ENPP6: variants seen among roughly 807,000 people sequenced by gnomAD.
ENPP6 encodes glycerophosphocholine cholinephosphodiesterase ENPP6.
In ENPP6, 32 loss-of-function variants were observed where a neutral mutation model predicts 42.0. That is an observed-to-expected ratio of 0.76 (90% confidence interval 0.58 to 1.02). The LOEUF (loss-of-function observed/expected upper bound fraction) is 1.02. Among genes scored for constraint, ENPP6 ranks in the 50% least tolerant of loss-of-function variants. The pLI is 0.00. For synonymous variants in ENPP6, 213 were observed against 216.0 expected (o/e 0.99, Z 0.12); for missense variants, 552 against 566.8 (o/e 0.97, Z 0.27).
At chr4:184,130,723 CAA>C (rs752195153) in intron 2 of ENPP6, among the ~76,000 whole-genome samples, 25 of 151,210 alleles carry the variant, frequency 1.7e-4, no homozygotes, top group Admixed American at 2.6e-4. Context: ...TCCTAACTGA[CAA>C]GAGAGAGAGA....
intron 1 of ENPP6, among the ~76,000 whole-genome samples, chr4:184,215,873 A>G (rs901239523): frequency 2.0e-5 from 3 of 152,194 alleles, no homozygotes; most frequent in African/African-American, 7.2e-5. Flanking sequence ...ACAGCCGGAA[A>G]AGAAGGTGTG....
intron 2 of ENPP6, among the ~76,000 whole-genome samples, chr4:184,148,298 G>A (rs893995024): frequency 6.6e-6 from 1 of 152,044 alleles, no homozygotes; most frequent in African/African-American, 2.4e-5. Context: ...GATTTGTGAA[G>A]GTTGGAAGTT....
chr4:184,180,485 G>A (rs1269217500), intron 1 of ENPP6, among the ~76,000 whole-genome samples: 1 of 152,284 alleles, frequency 6.6e-6, no homozygotes, highest in Non-Finnish European at 1.5e-5. Flanking sequence ...TTGGAAAGGA[G>A]TGACTCCTCC....
In ENPP6 at chr4:184,184,504, A is replaced by G. The variant is rs1235977914; in HGVS notation, c.242-30771T>C. ...AGAATTCAGTATATGTGGGAAAGAG[A>G]TTAAAATATGAGGGAAAGCAAATCG... On this transcript the variant is annotated intron_variant, in intron 1 of 7. Coordinates refer to ENST00000296741, the MANE Select transcript of ENPP6 (RefSeq NM_153343.4). This position sits in a 1 kb window ranked among gnomAD's most constrained non-coding sequence, Gnocchi z 4.7. Among the ~76,000 whole-genome samples, 3 of 152,164 alleles carry G rather than the reference A, an allele frequency of 2.0e-5. No individual in the cohort carries two copies. Among genetic ancestry groups the G allele is most frequent in the African/African-American group, 7.2e-5 (3 of 41,434 alleles).
intron 3 of ENPP6, among the ~76,000 whole-genome samples, chr4:184,121,007 G>C (rs1579619672): frequency 6.6e-6 from 1 of 152,252 alleles, no homozygotes; most frequent in Middle Eastern, 3.4e-3. Flanking sequence ...TCCACCACTG[G>C]CTGGCTTGTG....
At chr4:184,127,462 T>A (rs1736523204) in intron 2 of ENPP6, among the ~76,000 whole-genome samples, 1 of 152,132 alleles carries the variant, frequency 6.6e-6, no homozygotes, top group Non-Finnish European at 1.5e-5. Flanking sequence ...AAAACATCAA[T>A]AATTACATCA....
chr4:184,132,021 C>A (rs938156231), intron 2 of ENPP6, among the ~76,000 whole-genome samples: 2 of 152,110 alleles, frequency 1.3e-5, no homozygotes, highest in Non-Finnish European at 2.9e-5. Flanking sequence ...GATGTCCCAG[C>A]TGAAGCGATT....
intron 6 of ENPP6, among the ~76,000 whole-genome samples, chr4:184,111,023 CA>C (rs1325702968): frequency 6.6e-6 from 1 of 152,066 alleles, no homozygotes; most frequent in Non-Finnish European, 1.5e-5. Context: ...TGCAGGGGAC[CA>C]AGACCTTTCT....
At chr4:184,107,236 C>T (rs1314631627) in intron 6 of ENPP6, among the ~76,000 whole-genome samples, 1 of 152,234 alleles carries the variant, frequency 6.6e-6, no homozygotes, top group Admixed American at 6.5e-5. Context: ...TCAGGCAGGA[C>T]TTCCATGAGG....
chr4:184,216,773 T>C (rs1386547305), intron 1 of ENPP6: 1 of 152,214 alleles, frequency 6.6e-6, no homozygotes, highest in Non-Finnish European at 1.5e-5. Context: ...CTGCACATTC[T>C]ATTATCGCAC....
At chr4:184,213,773 A>G (rs983644546) in intron 1 of ENPP6, among the ~76,000 whole-genome samples, 4 of 149,012 alleles carry the variant, frequency 2.7e-5, no homozygotes, top group Non-Finnish European at 6.0e-5. Context: ...TCATGCTGCT[A>G]TAAAAACACA....
At chr4:184,156,301 CTG>C (rs1424125725) in intron 1 of ENPP6, among the ~76,000 whole-genome samples, 2 of 152,168 alleles carry the variant, frequency 1.3e-5, no homozygotes, top group Non-Finnish European at 2.9e-5. Flanking sequence ...AGGCTGCAGT[CTG>C]TGCTTGGAAC....
At chr4:184,101,292 ATGTGTGTGAGCTTGTGTG>A (rs1735998945) in intron 6 of ENPP6, among the ~76,000 whole-genome samples, 1 of 138,766 alleles carries the variant, frequency 7.2e-6, no homozygotes, top group East Asian at 2.2e-4. Context: ...GTTAATGTTT[ATGTGTGTGAGCTTGTGTG>A]TGTGTGTGTG....
chr4:184,119,349 G>A (rs1270114327), intron 3 of ENPP6, among the ~76,000 whole-genome samples: 1 of 92,880 alleles, frequency 1.1e-5, no homozygotes. Context: ...GTGTGTGTGT[G>A]TGTGTGTGTG....
chr4:184,185,432 A>T (rs993419172), intron 1 of ENPP6, among the ~76,000 whole-genome samples: 1 of 152,086 alleles, frequency 6.6e-6, no homozygotes, highest in African/African-American at 2.4e-5. Context: ...CTGTGGGGAC[A>T]CCCCAGCCAG....
chr4:184,144,109 A>C (rs150522362), intron 2 of ENPP6, among the ~76,000 whole-genome samples: 7 of 152,300 alleles, frequency 4.6e-5, no homozygotes, highest in Middle Eastern at 3.4e-3. Flanking sequence ...TTTGGTGCTG[A>C]CAGAGAATGG....
intron 7 of ENPP6, among the ~76,000 whole-genome samples, chr4:184,094,952 TC>T (rs34949751): frequency 6.6e-6 from 1 of 152,192 alleles, no homozygotes; most frequent in South Asian, 2.1e-4. Context: ...TGCCCAGCTT[TC>T]CCCCTAAGGG....
chr4:184,153,080 TA>T (rs1353452729), intron 2 of ENPP6, among the ~76,000 whole-genome samples: 1 of 151,922 alleles, frequency 6.6e-6, no homozygotes, highest in Admixed American at 6.6e-5. Flanking sequence ...GTTAGAGAGT[TA>T]AAAACACATT....
At chr4:184,131,169 C>CTT (rs1296842445) in intron 2 of ENPP6, among the ~76,000 whole-genome samples, 1 of 57,408 alleles carries the variant, frequency 1.7e-5, no homozygotes, top group Non-Finnish European at 3.6e-5. Flanking sequence ...TTCTTTCTTT[C>CTT]TTTCTTTCTT....
Sources: allele counts gnomAD v4.1 joint callset (sites outside exome capture counted in the v4.1 genomes callset), GRCh38; gene constraint gnomAD v4.1.1; non-coding constraint Gnocchi (gnomAD v3.1); transcripts MANE v1.5; gene names NCBI Gene and HGNC (gene_info 2026-07-23, HGNC 2026-07-21).